Variants in MEGF10 observed in about 807,000 individuals in gnomAD.
MEGF10 encodes multiple epidermal growth factor-like domains protein 10.
In MEGF10, 86 loss-of-function variants were observed where a neutral mutation model predicts 147.5. The ratio of observed to expected loss-of-function variants is 0.58; its 90% CI spans 0.49 to 0.70. The LOEUF (loss-of-function observed/expected upper bound fraction) is 0.70, where lower values mean the gene tolerates loss of function less well. MEGF10 is among the 30% of genes least tolerant of loss of function. The pLI is 0.00. For synonymous variants in MEGF10, 478 were observed against 525.5 expected (o/e 0.91, Z 1.24); for missense variants, 1,329 against 1,487.3 (o/e 0.89, Z 1.75).
the MEGF10 span, among the ~76,000 whole-genome samples, chr5:127,230,020 A>G: frequency 6.6e-6 from 1 of 152,226 alleles, no homozygotes; most frequent in Admixed American, 6.5e-5. Flanking sequence ...AGAGTTCATC[A>G]GTGAATTTTT....
At chr5:127,368,034 C>A (rs1762719717) in intron 4 of MEGF10, among the ~76,000 whole-genome samples, 1 of 152,140 alleles carries the variant, frequency 6.6e-6, no homozygotes, top group Non-Finnish European at 1.5e-5. Flanking sequence ...ATGTACATAT[C>A]TAAATTTTAA....
intron 1 of MEGF10, among the ~76,000 whole-genome samples, chr5:127,325,299 A>G (rs1760967045): frequency 6.6e-6 from 1 of 152,138 alleles, no homozygotes; most frequent in Non-Finnish European, 1.5e-5. Context: ...GTAGATTTTA[A>G]GCTATTATGG....
intron 6 of MEGF10, 46 bp from the exon 7 acceptor site, chr5:127,398,630 G>A: frequency 6.2e-7 from 1 of 1,612,028 alleles, no homozygotes; most frequent in Non-Finnish European, 8.5e-7. Context: ...CGAGGGTCAT[G>A]TGTCTGGGAA....
chr5:127,269,566 C>A, the MEGF10 span, among the ~76,000 whole-genome samples: 1 of 152,122 alleles, frequency 6.6e-6, no homozygotes, highest in Non-Finnish European at 1.5e-5. Context: ...ATGAACAAAG[C>A]CTCCAAGAAA....
intron 4 of MEGF10, among the ~76,000 whole-genome samples, chr5:127,369,125 C>T (rs1307983781): frequency 6.6e-6 from 1 of 152,110 alleles, no homozygotes; most frequent in Non-Finnish European, 1.5e-5. Flanking sequence ...CCCTTTAAGT[C>T]GTTCTCACAA....
chr5:127,429,059 A>G (rs895904966), intron 13 of MEGF10, among the ~76,000 whole-genome samples: 1 of 152,178 alleles, frequency 6.6e-6, no homozygotes, highest in Non-Finnish European at 1.5e-5. Context: ...GCATTAGAAC[A>G]TTTATCAGAA....
chr5:127,302,935 G>A (rs907509585), intron 1 of MEGF10, among the ~76,000 whole-genome samples: 2 of 152,162 alleles, frequency 1.3e-5, no homozygotes, highest in Non-Finnish European at 2.9e-5. Flanking sequence ...CACAGAAGAG[G>A]AGAGAGTACC....
At chr5:127,405,181 C>T (rs1283248419) in intron 8 of MEGF10, among the ~76,000 whole-genome samples, 1 of 152,152 alleles carries the variant, frequency 6.6e-6, no homozygotes, top group Non-Finnish European at 1.5e-5. Context: ...GTGCTGTTTA[C>T]AAGCTGCATA....
chr5:127,440,245 C>G (rs2127014527), intron 17 of MEGF10, among the ~76,000 whole-genome samples: 1 of 152,262 alleles, frequency 6.6e-6, no homozygotes, highest in Non-Finnish European at 1.5e-5. Flanking sequence ...TACACCTCTT[C>G]AGGGAAGTTG....
intron 1 of MEGF10, among the ~76,000 whole-genome samples, chr5:127,310,767 G>T (rs1404967744): frequency 2.0e-5 from 3 of 152,104 alleles, no homozygotes; most frequent in Admixed American, 1.3e-4. Context: ...TCAATCATTT[G>T]TAGTATAGGG....
At chr5:127,426,863 A>G (rs990822249) in intron 13 of MEGF10, among the ~76,000 whole-genome samples, 1 of 152,202 alleles carries the variant, frequency 6.6e-6, no homozygotes, top group African/African-American at 2.4e-5. Context: ...GAACATGTGC[A>G]GTGTCCGGCC....
chr5:127,315,056 C>G (rs1025559270), intron 1 of MEGF10, among the ~76,000 whole-genome samples: 1 of 151,942 alleles, frequency 6.6e-6, no homozygotes, highest in Non-Finnish European at 1.5e-5. Context: ...ATAAAGGCAA[C>G]AGGGAAATGA....
At chr5:127,341,979 T>G (rs1316657675) in intron 4 of MEGF10, among the ~76,000 whole-genome samples, 4 of 152,180 alleles carry the variant, frequency 2.6e-5, no homozygotes, top group Non-Finnish European at 5.9e-5. Context: ...GTGTACATAT[T>G]TTAAGACTTT....
chr5:127,385,597 T>A (rs954087899), intron 5 of MEGF10, among the ~76,000 whole-genome samples: 12 of 152,242 alleles, frequency 7.9e-5, no homozygotes, highest in African/African-American at 2.9e-4. Context: ...TGAAGGCATA[T>A]GTAGTGTTAG....
chr5:127,308,512 A>G (rs1403891107), intron 1 of MEGF10, among the ~76,000 whole-genome samples: 1 of 152,134 alleles, frequency 6.6e-6, no homozygotes, highest in East Asian at 1.9e-4. Context: ...GCACATATAC[A>G]CCATGGAATA....
the MEGF10 span, among the ~76,000 whole-genome samples, chr5:127,267,030 T>C: frequency 1.3e-5 from 2 of 152,162 alleles, no homozygotes; most frequent in African/African-American, 2.4e-5. Context: ...CCAGTTTTTG[T>C]CCATTCAGTA....
chr5:127,422,668 A>G lies in MEGF10; in HGVS notation c.1591-2A>G. 6.2e-7 allele frequency: 1 copy of G among 1,613,478 alleles called. No homozygotes were observed. Among genetic ancestry groups the G allele is most frequent in the Non-Finnish European group, 8.5e-7 (1 of 1,179,440 alleles). ...CTGCCTTTGATGCTGTTTTCCATGC[A>G]GGATGGCACGTACGGGCTGAACTGT... On this transcript the variant is annotated splice_acceptor_variant, in intron 12 of 24. Transcript: ENST00000503335. LOFTEE classifies it high-confidence loss of function.
chr5:127,382,729 G>A (rs1336530760), intron 5 of MEGF10, among the ~76,000 whole-genome samples: 1 of 152,122 alleles, frequency 6.6e-6, no homozygotes, highest in East Asian at 1.9e-4. Flanking sequence ...TATAAAATAT[G>A]TAAAGAACCC....
At chr5:127,295,447 G>C (rs1291957186) in intron 1 of MEGF10, among the ~76,000 whole-genome samples, 1 of 152,098 alleles carries the variant, frequency 6.6e-6, no homozygotes, top group Non-Finnish European at 1.5e-5. Flanking sequence ...GTCTTACTTA[G>C]TTTATGAGAC....
Sources: gnomAD v4.1 joint callset for allele counts (sites outside exome capture counted in the v4.1 genomes callset) on GRCh38, gnomAD v4.1.1 for gene constraint, MANE v1.5 for transcripts, NCBI Gene and HGNC (gene_info 2026-07-23, HGNC 2026-07-21) for gene names.